Variants in USP45 observed in about 807,000 individuals in gnomAD.
USP45 encodes the protein ubiquitin specific peptidase 45.
Under a neutral mutation model 95.8 loss-of-function variants are expected in USP45, and 89 were observed. That is an observed-to-expected ratio of 0.93 (90% CI 0.78 to 1.11). USP45 has a LOEUF of 1.11. Among genes scored for constraint, USP45 ranks in the 50% least tolerant of loss-of-function variants. The pLI, the probability that USP45 is intolerant of heterozygous loss-of-function variation, is 0.00. For synonymous variants in USP45, 281 were observed against 316.2 expected (o/e 0.89, Z 1.18); for missense variants, 898 against 942.5 (o/e 0.95, Z 0.62).
intron 13 of USP45, among the ~76,000 whole-genome samples, chr6:99,458,968 T>C (rs775438915): frequency 6.6e-6 from 1 of 152,238 alleles, no homozygotes; most frequent in Non-Finnish European, 1.5e-5. Context: ...GTTTTTGTTT[T>C]GAACAGCAAT....
At chr6:99,469,216 C>T (rs1386678701) in intron 9 of USP45, among the ~76,000 whole-genome samples, 2 of 151,888 alleles carry the variant, frequency 1.3e-5, no homozygotes. Context: ...TTCAGCAGCT[C>T]TCAGTAAATG....
intron 13 of USP45, among the ~76,000 whole-genome samples, chr6:99,457,982 G>GCGTA (rs1425845617): frequency 6.6e-6 from 1 of 152,112 alleles, no homozygotes; most frequent in African/African-American, 2.4e-5. Context: ...ACAGAGCAGT[G>GCGTA]CGTAGCCCAC....
At chr6:99,462,365 A>G in intron 13 of USP45, 3 of 984,466 alleles carry the variant, frequency 3.0e-6, no homozygotes, top group Non-Finnish European at 3.6e-6. Context: ...ATACATTTGG[A>G]TAGCGGATGT....
chr6:99,516,250 G>A (rs926760244), upstream of USP45, among the ~76,000 whole-genome samples: 2 of 152,188 alleles, frequency 1.3e-5, no homozygotes, highest in Admixed American at 1.3e-4. Context: ...GTTATCTGTT[G>A]AAGTGGCCAG....
chr6:99,452,341 C>A (rs905967826), intron 13 of USP45, among the ~76,000 whole-genome samples: 1 of 152,170 alleles, frequency 6.6e-6, no homozygotes, highest in East Asian at 1.9e-4. Flanking sequence ...AAGAAAAAAA[C>A]AACCCCATCA....
chr6:99,442,461 T>C (rs114850022), intron 15 of USP45, among the ~76,000 whole-genome samples: 26 of 152,334 alleles, frequency 1.7e-4, no homozygotes, highest in African/African-American at 5.8e-4. Flanking sequence ...ACCTAAAATG[T>C]TGCAAATATG....
At chr6:99,476,323 T>C in intron 8 of USP45, 93 bp from the exon 9 acceptor site, 1 of 1,276,252 alleles carries the variant, frequency 7.8e-7, no homozygotes, top group African/African-American at 1.5e-5. Context: ...AATAGCATAT[T>C]ATTAGCTGGG....
chr6:99,461,967 A>G lies in USP45; in HGVS notation c.1308+2637T>C, dbSNP rs368935225. ...CTGGTTCTGTAGTTGAACTATTGGA[A>G]ATAACTTCTAAACGTAAACTTCCTA... is the stretch of plus-strand genomic sequence containing the variant. On this transcript the variant is annotated intron_variant, in intron 13 of 17. Coordinates refer to ENST00000500704, the MANE Select transcript of USP45 (RefSeq NM_001346022.3). 26 of 985,362 alleles carry G rather than the reference A, an allele frequency of 2.6e-5. 1 individual carries two copies. The East Asian group carries it at 6.8e-4, about 26-fold the overall frequency. 61.0% of individuals were successfully genotyped at this position (985,362 alleles called of 1,614,324 possible). A position where few individuals can be genotyped will look rare whatever the true frequency, so the allele number is the denominator to read the frequency against.
rs148116847 is a variant in USP45 at position 99,462,706 on chromosome 6, G to A, written c.1308+1898C>T. 1.6e-4 allele frequency: 155 copies of A among 987,470 alleles called. 1 individual carries two copies. In the Admixed American group the frequency reaches 3.5e-3, roughly 22 times the overall value. 61.2% of individuals were successfully genotyped at this position (987,470 alleles called of 1,614,324 possible). The stretch of plus-strand genomic sequence containing the variant: ...AGAGTAAGTTAAATTCAGGCCCAGC[G>A]CTGTGGCTCACACCTGCAATTCCAG... On this transcript the variant is annotated intron_variant, in intron 13 of 17. Coordinates refer to ENST00000500704, the MANE Select transcript of USP45 (RefSeq NM_001346022.3).
chr6:99,478,220 GTTTTTTTTTT>G (rs71021740), intron 8 of USP45, among the ~76,000 whole-genome samples: 1 of 99,454 alleles, frequency 1.0e-5, no homozygotes, highest in African/African-American at 3.7e-5. Context: ...ACTTAGATTT[GTTTTTTTTTT>G]TTTTTTTTTT....
chr6:99,507,249 T>G (rs1798756178), intron 4 of USP45, among the ~76,000 whole-genome samples, 179 bp downstream of exon 4: 1 of 152,196 alleles, frequency 6.6e-6, no homozygotes. Context: ...TTTTTCCAAT[T>G]TAAATTTTAT....
intron 4 of USP45, among the ~76,000 whole-genome samples, chr6:99,505,156 T>C (rs1488363906): frequency 3.9e-5 from 6 of 152,210 alleles, no homozygotes; most frequent in African/African-American, 1.4e-4. Flanking sequence ...AGCTGTTCTA[T>C]TTTGCTTGGC....
intron 5 of USP45, chr6:99,501,841 G>A: frequency 8.6e-7 from 1 of 1,158,316 alleles, no homozygotes; most frequent in South Asian, 1.7e-5. Flanking sequence ...TTCTCCCCAG[G>A]TTCCTGGGAA....
chr6:99,446,315 G>C lies in USP45; in HGVS notation c.1457C>G (p.Pro486Arg), dbSNP rs61761592. ...MNSESRLNES[P>R]TDDSEKEASH... ...GGCTTCTTTTTCACTGTCATCAGTA[G>C]GGCTTTCATTCAGACGTGACTCAGA... is the stretch of plus-strand genomic sequence containing the variant. The change falls in exon 14 of 18, where the codon CCT becomes CGT. Residue 486 changes from proline (P) to arginine (R), a missense_variant. By Grantham distance (103) the Pro-to-Arg change is moderately radical. Coordinates refer to ENST00000500704, the MANE Select transcript of USP45 (RefSeq NM_001346022.3). 5.3e-5 allele frequency: 86 copies of C among 1,614,068 alleles called. No homozygotes were observed. Among genetic ancestry groups the C allele is most frequent in the Non-Finnish European group, 6.9e-5 (82 of 1,180,044 alleles).
intron 5 of USP45, among the ~76,000 whole-genome samples, chr6:99,501,424 C>T (rs547460180): frequency 5.3e-4 from 80 of 152,278 alleles, no homozygotes; most frequent in African/African-American, 1.7e-3. Context: ...TCATCTACCT[C>T]GTAACTTCAT....
upstream of USP45, among the ~76,000 whole-genome samples, chr6:99,516,605 C>G (rs936814836): frequency 2.6e-5 from 4 of 152,156 alleles, no homozygotes; most frequent in Non-Finnish European, 5.9e-5. Flanking sequence ...GTTGCTGTTA[C>G]AGGTATAGAG....
chr6:99,511,841 G>GTATATATA (rs1233019298), intron 1 of USP45, among the ~76,000 whole-genome samples: 1 of 133,546 alleles, frequency 7.5e-6, no homozygotes, highest in Non-Finnish European at 1.6e-5. Flanking sequence ...GTATGTGAGT[G>GTATATATA]TGTGTATATA....
At chr6:99,511,375 G>A (rs893877841) in intron 1 of USP45, among the ~76,000 whole-genome samples, 4 of 151,386 alleles carry the variant, frequency 2.6e-5, no homozygotes, top group Admixed American at 1.3e-4. Context: ...GAATGGTCTC[G>A]ATCTCCTGAC....
chr6:99,511,246 G>A (rs1199310527), intron 1 of USP45, among the ~76,000 whole-genome samples: 2 of 151,754 alleles, frequency 1.3e-5, no homozygotes, highest in Non-Finnish European at 2.9e-5. Flanking sequence ...CCACGTCCTG[G>A]GTTCAAGCAA....
Sources: gnomAD v4.1 joint callset for allele counts (sites outside exome capture counted in the v4.1 genomes callset) on GRCh38, gnomAD v4.1.1 for gene constraint, MANE v1.5 for transcripts, NCBI Gene and HGNC (gene_info 2026-07-23, HGNC 2026-07-21) for gene names.